The following FAR2 variants were observed in gnomAD, a reference collection of about 807,000 sequenced individuals.
FAR2 encodes epididymis secretory protein Li 81.
In FAR2, 19 loss-of-function variants were observed where a neutral mutation model predicts 56.0. That is an observed-to-expected ratio of 0.34 (90% CI 0.24 to 0.50). The LOEUF is 0.50. Among genes scored for constraint, FAR2 ranks in the 20% least tolerant of loss-of-function variants. FAR2 has a pLI of 0.98. For missense variants in FAR2, 508 were observed against 642.2 expected (o/e 0.79, Z 2.26); for synonymous variants, 219 against 218.8 (o/e 1.00, Z -0.01).
intron 1 of FAR2, among the ~76,000 whole-genome samples, chr12:29,208,391 C>G (rs2136625042): frequency 1.3e-5 from 2 of 152,308 alleles, no homozygotes; most frequent in East Asian, 3.9e-4. Context: ...AACTGCAGTC[C>G]TACTACTTGG....
intron 2 of FAR2, 137 bp downstream of exon 2, chr12:29,270,775 A>C: frequency 1.5e-6 from 1 of 661,248 alleles, no homozygotes. Flanking sequence ...ACAAAACAAG[A>C]CAGCAACAAG....
intron 1 of FAR2, among the ~76,000 whole-genome samples, chr12:29,244,180 T>C (rs1048771159): frequency 1.3e-4 from 20 of 152,348 alleles, no homozygotes; most frequent in African/African-American, 4.8e-4. Flanking sequence ...TGATTCATCA[T>C]AGAACTTATA....
intron 1 of FAR2, among the ~76,000 whole-genome samples, chr12:29,157,390 T>C (rs1249844479): frequency 6.6e-6 from 1 of 152,024 alleles, no homozygotes; most frequent in Non-Finnish European, 1.5e-5. Flanking sequence ...ATCTTGCTTT[T>C]AAGGCATTTT....
At chr12:29,330,056 C>CTTTTTTTTTTTTTTTTTTTTTTT (rs10693997) in intron 10 of FAR2, among the ~76,000 whole-genome samples, 1 of 127,064 alleles carries the variant, frequency 7.9e-6, no homozygotes, top group African/African-American at 3.0e-5. Context: ...ACATTTATGA[C>CTTTTTTTTTTTTTTTTTTTTTTT]TTTTTTTTTT....
intron 1 of FAR2, among the ~76,000 whole-genome samples, chr12:29,186,648 A>G (rs1950043182): frequency 6.6e-6 from 1 of 152,112 alleles, no homozygotes; most frequent in Non-Finnish European, 1.5e-5. Flanking sequence ...AAAATATGCA[A>G]TATCTTTACC....
At chr12:29,267,319 T>C (rs1948534322) in intron 1 of FAR2, among the ~76,000 whole-genome samples, 1 of 152,248 alleles carries the variant, frequency 6.6e-6, no homozygotes, top group Non-Finnish European at 1.5e-5. Context: ...GAGTCTATGC[T>C]ATAGGCAATG....
At chr12:29,245,846 C>A (rs1591886599) in intron 1 of FAR2, among the ~76,000 whole-genome samples, 1 of 152,232 alleles carries the variant, frequency 6.6e-6, no homozygotes, top group Admixed American at 6.5e-5. Flanking sequence ...CTCATCTCCC[C>A]TTGCTTTCCC....
At chr12:29,266,546 A>G (rs1340266100) in intron 1 of FAR2, among the ~76,000 whole-genome samples, 1 of 152,106 alleles carries the variant, frequency 6.6e-6, no homozygotes, top group Non-Finnish European at 1.5e-5. Context: ...GAACAAAAAT[A>G]CAATTAAGCA....
chr12:29,169,021 G>A (rs11050094), intron 1 of FAR2, among the ~76,000 whole-genome samples: 27,479 of 152,114 alleles, frequency 0.18, 2,594 homozygotes, highest in Non-Finnish European at 0.21. Flanking sequence ...GATTTGGTGC[G>A]TTTTTACAGA....
At chr12:29,332,487 A>G in intron 10 of FAR2, 113 bp from the exon 11 acceptor site, 1 of 1,480,136 alleles carries the variant, frequency 6.8e-7, no homozygotes, top group Non-Finnish European at 9.1e-7. Context: ...AGAGGGTCCA[A>G]CCTATGTCTC....
chr12:29,255,500 A>C (rs1313489457), intron 1 of FAR2, among the ~76,000 whole-genome samples: 3 of 152,232 alleles, frequency 2.0e-5, no homozygotes, highest in African/African-American at 7.2e-5. Flanking sequence ...CCACACTTTT[A>C]AAAATAACTT....
At chr12:29,276,646 G>T (rs748362370) in intron 2 of FAR2, among the ~76,000 whole-genome samples, 26 of 152,204 alleles carry the variant, frequency 1.7e-4, no homozygotes, top group Admixed American at 3.3e-4. Flanking sequence ...CTGATTGGCT[G>T]TGGATAAAGC....
intron 1 of FAR2, among the ~76,000 whole-genome samples, chr12:29,210,809 G>A (rs549177555): frequency 3.9e-5 from 6 of 152,098 alleles, no homozygotes; most frequent in Non-Finnish European, 8.8e-5. Flanking sequence ...AAACTTAATC[G>A]GGTGCGGTGG....
chr12:29,198,780 C>T (rs140160972), intron 1 of FAR2, among the ~76,000 whole-genome samples: 101 of 152,244 alleles, frequency 6.6e-4, no homozygotes, highest in African/African-American at 1.8e-3. Context: ...ATACTTTCTG[C>T]GTCATAACCA....
chr12:29,317,130 T>C, intron 9 of FAR2, 118 bp downstream of exon 9: 4 of 1,128,376 alleles, frequency 3.5e-6, no homozygotes, highest in Admixed American at 2.5e-5. Context: ...TACCCATATA[T>C]ACAGATTGAA....
At chr12:29,328,784 G>A (rs192363510) in intron 10 of FAR2, among the ~76,000 whole-genome samples, 148 of 151,110 alleles carry the variant, frequency 9.8e-4, no homozygotes, top group African/African-American at 3.6e-3. Flanking sequence ...GGAGATATAC[G>A]TAATGCTAAA....
chr12:29,225,055 G>A (rs917431503), intron 1 of FAR2, among the ~76,000 whole-genome samples: 1 of 152,108 alleles, frequency 6.6e-6, no homozygotes, highest in Non-Finnish European at 1.5e-5. Flanking sequence ...TGGCAACATA[G>A]CAAGATGCCA....
rs79608400 is a variant in FAR2, at chr12:29,262,360, G to T, written c.-38-8052G>T. ...AAGCAAGAAATTAAGGCTTGGCGTG[G>T]TGGCTCATGCCTGTAATCCCAGCAC... On this transcript the variant is annotated intron_variant, in intron 1 of 11. Coordinates refer to ENST00000536681, the MANE Select transcript of FAR2 (RefSeq NM_001271783.2). 5.0e-3 allele frequency among the ~76,000 whole-genome samples: 766 copies of T among 152,292 alleles called. 27 individuals carry two copies. In the East Asian group the frequency reaches 0.072, roughly 14 times the overall value.
At chr12:29,284,055 A>G (rs1948830369) in intron 2 of FAR2, among the ~76,000 whole-genome samples, 1 of 152,200 alleles carries the variant, frequency 6.6e-6, no homozygotes, top group Non-Finnish European at 1.5e-5. Flanking sequence ...TCCCACGTCT[A>G]TCTGTTTAGG....
Sources: gnomAD v4.1 joint callset for allele counts (sites outside exome capture counted in the v4.1 genomes callset) on GRCh38, gnomAD v4.1.1 for gene constraint, MANE v1.5 for transcripts, NCBI Gene and HGNC (gene_info 2026-07-23, HGNC 2026-07-21) for gene names.